The following RIT2 variants were observed in gnomAD, a reference collection of about 807,000 sequenced individuals.
The protein encoded by RIT2 is GTP-binding protein Rit2.
A neutral mutation model predicts 23.7 loss-of-function variants in RIT2; 24 were observed. That is an observed-to-expected ratio of 1.01 (90% CI 0.73 to 1.43). The LOEUF (loss-of-function observed/expected upper bound fraction) is 1.43. RIT2 is among the 40% of genes most tolerant of loss of function. RIT2 has a pLI of 0.00. For synonymous variants in RIT2, 107 were observed against 91.1 expected, an observed-to-expected ratio of 1.17 and a Z score of -0.99; for missense variants, 236 against 266.9, an observed-to-expected ratio of 0.88 and a Z score of 0.81.
intron 2 of RIT2, among the ~76,000 whole-genome samples, chr18:42,986,975 A>C (rs1247063436): frequency 6.6e-6 from 1 of 152,196 alleles, no homozygotes; most frequent in Non-Finnish European, 1.5e-5. Flanking sequence ...CAAATAATGG[A>C]GAGTTTGTGG....
chr18:42,969,040 T>G (rs1568042632), intron 3 of RIT2, among the ~76,000 whole-genome samples: 7 of 152,200 alleles, frequency 4.6e-5, no homozygotes. Context: ...TTGCATCGAC[T>G]CTTACTTAGT....
intron 3 of RIT2, among the ~76,000 whole-genome samples, chr18:42,971,533 A>T (rs1910361072): frequency 6.6e-6 from 1 of 152,034 alleles, no homozygotes; most frequent in Non-Finnish European, 1.5e-5. Context: ...TAACTAAAAA[A>T]TGTTCTATTA....
chr18:42,766,744 A>C (rs1913432232), intron 4 of RIT2, among the ~76,000 whole-genome samples: 1 of 152,172 alleles, frequency 6.6e-6, no homozygotes, highest in East Asian at 1.9e-4. Context: ...CTGGAGGCCC[A>C]GGAGGAAAAA....
intron 2 of RIT2, among the ~76,000 whole-genome samples, chr18:42,979,165 A>C (rs1483019920): frequency 6.6e-6 from 1 of 152,150 alleles, no homozygotes; most frequent in Middle Eastern, 3.2e-3. Flanking sequence ...TTAATTAAAA[A>C]GTGTAAGGTA....
chr18:42,838,277 G>A (rs1445986480), intron 4 of RIT2, among the ~76,000 whole-genome samples: 1 of 152,020 alleles, frequency 6.6e-6, no homozygotes, highest in African/African-American at 2.4e-5. Context: ...AAGGTTTCAA[G>A]AAATAGCCCT....
At chr18:42,849,981 T>C (rs913233856) in intron 4 of RIT2, among the ~76,000 whole-genome samples, 4 of 152,170 alleles carry the variant, frequency 2.6e-5, no homozygotes, top group African/African-American at 4.8e-5. Context: ...ACAATTCTTA[T>C]GTTAAGTATT....
intron 4 of RIT2, among the ~76,000 whole-genome samples, chr18:42,789,363 C>T (rs925716854): frequency 6.6e-6 from 1 of 152,134 alleles, no homozygotes; most frequent in African/African-American, 2.4e-5. Flanking sequence ...ATCACCAATG[C>T]CAATATTTAG....
At chr18:42,971,473 C>CT (rs1287537248) in intron 3 of RIT2, among the ~76,000 whole-genome samples, 1 of 152,044 alleles carries the variant, frequency 6.6e-6, no homozygotes, top group African/African-American at 2.4e-5. Context: ...TCTCTCATCA[C>CT]TTACCACTTC....
At chr18:42,906,437 A>T (rs1372799676) in intron 4 of RIT2, among the ~76,000 whole-genome samples, 1 of 152,110 alleles carries the variant, frequency 6.6e-6, no homozygotes, top group Non-Finnish European at 1.5e-5. Flanking sequence ...TTTATAAGAG[A>T]TGTTCCCTTT....
chr18:42,998,101 C>A (rs988660275), intron 2 of RIT2, among the ~76,000 whole-genome samples: 1 of 152,120 alleles, frequency 6.6e-6, no homozygotes, highest in African/African-American at 2.4e-5. Flanking sequence ...CTTCTAAACA[C>A]ACAGGACTTT....
At chr18:42,990,416 G>A (rs1301376836) in intron 2 of RIT2, among the ~76,000 whole-genome samples, 1 of 152,046 alleles carries the variant, frequency 6.6e-6, no homozygotes, top group East Asian at 1.9e-4. Context: ...AAATGCCTAG[G>A]CACCCCATGG....
intron 2 of RIT2, among the ~76,000 whole-genome samples, chr18:43,000,623 G>C (rs562183498): frequency 6.6e-6 from 1 of 152,054 alleles, no homozygotes; most frequent in East Asian, 1.9e-4. Context: ...GTGGTGGGAG[G>C]TGATTGGATC....
chr18:42,810,557 T>C (rs1245979294), intron 4 of RIT2, among the ~76,000 whole-genome samples: 15 of 151,932 alleles, frequency 9.9e-5, no homozygotes, highest in Non-Finnish European at 7.4e-5. Flanking sequence ...TGTATTCAAC[T>C]ACCTGGAAAT....
intron 2 of RIT2, among the ~76,000 whole-genome samples, chr18:42,979,525 T>C (rs961425236): frequency 7.9e-5 from 12 of 152,112 alleles, no homozygotes; most frequent in African/African-American, 2.4e-5. Flanking sequence ...CAAAGTCTCA[T>C]AGAATCAATT....
chr18:43,006,592 G>A (rs1234467664), intron 2 of RIT2, among the ~76,000 whole-genome samples: 1 of 151,200 alleles, frequency 6.6e-6, no homozygotes, highest in Middle Eastern at 3.2e-3. Context: ...GCTCAAGAGT[G>A]AATAAATACA....
chr18:42,780,047 GTTTTTT>G (rs71175923), intron 4 of RIT2, among the ~76,000 whole-genome samples: 1 of 59,596 alleles, frequency 1.7e-5, no homozygotes, highest in Non-Finnish European at 3.1e-5. Context: ...CAATTTAGAG[GTTTTTT>G]TTTTTTTTTT....
At chr18:43,041,663 C>T (rs992080998) in intron 1 of RIT2, among the ~76,000 whole-genome samples, 3 of 151,912 alleles carry the variant, frequency 2.0e-5, no homozygotes, top group Middle Eastern at 3.2e-3. Flanking sequence ...TTTGTGTGGA[C>T]GTCTTTTTTC....
chr18:42,751,313 G>C (rs532472613), intron 4 of RIT2, among the ~76,000 whole-genome samples: 2 of 151,558 alleles, frequency 1.3e-5, no homozygotes, highest in Non-Finnish European at 3.0e-5. Flanking sequence ...TTCTTTAAGT[G>C]TTTGAAAAAA....
At chr18:42,824,877 T>G (rs960879439) in intron 4 of RIT2, among the ~76,000 whole-genome samples, 1 of 151,898 alleles carries the variant, frequency 6.6e-6, no homozygotes, top group Non-Finnish European at 1.5e-5. Flanking sequence ...TGATAGAATT[T>G]CAGCAAGTTA....
Sources: allele counts gnomAD v4.1 joint callset (sites outside exome capture counted in the v4.1 genomes callset), GRCh38; gene constraint gnomAD v4.1.1; transcripts MANE v1.5; gene names NCBI Gene and HGNC (gene_info 2026-07-23, HGNC 2026-07-21).